Variants in CAMK1D observed in about 807,000 individuals in gnomAD.
CAMK1D encodes calcium/calmodulin dependent protein kinase ID, also known as calcium/calmodulin-dependent protein kinase type 1D.
Under a neutral mutation model 47.7 loss-of-function variants are expected in CAMK1D, and 9 were observed. The ratio of observed to expected loss-of-function variants is 0.19; its 90% CI spans 0.11 to 0.33. The LOEUF (loss-of-function observed/expected upper bound fraction) is 0.33. CAMK1D is among the 10% of genes least tolerant of loss of function. The pLI, the probability that CAMK1D is intolerant of heterozygous loss-of-function variation, is 1.00. For synonymous variants in CAMK1D, 184 were observed against 184.9 expected (o/e 0.99, Z 0.04); for missense variants, 291 against 488.7 (o/e 0.60, Z 3.81).
rs1834145367 is a variant in CAMK1D at position 12,716,577 on chromosome 10, T to C, written c.300-44371T>C. On this transcript the variant is annotated intron_variant, in intron 3 of 10. Coordinates refer to ENST00000619168, the MANE Select transcript of CAMK1D (RefSeq NM_153498.4). ...TAAGTATGTGCCGTGTCATGAGAAC[T>C]TCTCACACCTAGTGTTTTGCACACC... Among the ~76,000 whole-genome samples, 3 of 152,154 alleles carry C rather than the reference T, an allele frequency of 2.0e-5. No homozygotes were observed. In the South Asian group the frequency reaches 6.2e-4, roughly 32 times the overall value.
At chr10:12,634,249 T>A (rs1054973714) in intron 2 of CAMK1D, among the ~76,000 whole-genome samples, 1 of 152,192 alleles carries the variant, frequency 6.6e-6, no homozygotes, top group Non-Finnish European at 1.5e-5. Flanking sequence ...CTGCCTTTAT[T>A]CTGTTTCACG....
At chr10:12,470,579 C>T (rs112553833) in intron 1 of CAMK1D, among the ~76,000 whole-genome samples, 2 of 151,628 alleles carry the variant, frequency 1.3e-5, no homozygotes, top group Admixed American at 6.6e-5. Context: ...TGCGGTGGCG[C>T]GATCTCTTCT....
intron 1 of CAMK1D, among the ~76,000 whole-genome samples, chr10:12,418,416 G>A (rs1839929848): frequency 6.6e-6 from 1 of 152,130 alleles, no homozygotes; most frequent in South Asian, 2.1e-4. Flanking sequence ...AGCAGTCTGG[G>A]CAACATAGCC....
At chr10:12,798,120 CCGT>C (rs769359375) in intron 6 of CAMK1D, among the ~76,000 whole-genome samples, 1 of 152,208 alleles carries the variant, frequency 6.6e-6, no homozygotes, top group Non-Finnish European at 1.5e-5. Context: ...TGGCTCACAG[CCGT>C]CACTTTTGTG....
At chr10:12,515,402 C>G (rs960227477) in intron 1 of CAMK1D, among the ~76,000 whole-genome samples, 1 of 102,028 alleles carries the variant, frequency 9.8e-6, no homozygotes, top group Non-Finnish European at 2.0e-5. Context: ...TTTTCCTTTT[C>G]TTTTTTTTTT....
chr10:12,602,856 A>G (rs932863646), intron 2 of CAMK1D, among the ~76,000 whole-genome samples: 9 of 142,332 alleles, frequency 6.3e-5, no homozygotes, highest in Admixed American at 3.7e-4. Context: ...CTGGACCCAC[A>G]GTGACTCCCA....
At chr10:12,550,554 G>A (rs193107689) in intron 1 of CAMK1D, among the ~76,000 whole-genome samples, 46 of 152,338 alleles carry the variant, frequency 3.0e-4, no homozygotes, top group African/African-American at 1.1e-3. Flanking sequence ...AAAGCCGTTG[G>A]CCATGGCCGG....
intron 2 of CAMK1D, among the ~76,000 whole-genome samples, chr10:12,604,903 T>G (rs60081417): frequency 0.015 from 2,345 of 151,908 alleles, 52 homozygotes; most frequent in African/African-American, 0.054. Flanking sequence ...CTTTTTTTTT[T>G]TTGAGATGGA....
At chr10:12,581,983 T>C (rs1176307904) in intron 2 of CAMK1D, among the ~76,000 whole-genome samples, 1 of 152,118 alleles carries the variant, frequency 6.6e-6, no homozygotes, top group East Asian at 1.9e-4. Flanking sequence ...TCTAGAGGGG[T>C]TTTTTTGATG....
chr10:12,704,882 G>A (rs527456006), intron 3 of CAMK1D, among the ~76,000 whole-genome samples: 7 of 152,254 alleles, frequency 4.6e-5, no homozygotes, highest in Admixed American at 1.3e-4. Context: ...CCCTTGCAGC[G>A]GTGGTATTGG....
chr10:12,602,846 C>T (rs1439775417), intron 2 of CAMK1D, among the ~76,000 whole-genome samples: 1 of 151,106 alleles, frequency 6.6e-6, no homozygotes, highest in Non-Finnish European at 1.5e-5. Flanking sequence ...GGTGGTGGAT[C>T]TGGACCCACA....
At chr10:12,772,744 G>A (rs1837100085) in intron 5 of CAMK1D, among the ~76,000 whole-genome samples, 2 of 152,192 alleles carry the variant, frequency 1.3e-5, no homozygotes, top group South Asian at 2.1e-4. Flanking sequence ...AGGTTGTCCT[G>A]GAGGAGGCTG....
intron 6 of CAMK1D, among the ~76,000 whole-genome samples, chr10:12,803,852 G>A (rs1162248437): frequency 1.3e-5 from 2 of 152,152 alleles, no homozygotes; most frequent in Non-Finnish European, 2.9e-5. Context: ...ATCTTTGACT[G>A]TGTGAATCCC....
intron 6 of CAMK1D, among the ~76,000 whole-genome samples, chr10:12,806,008 C>T (rs1299022345): frequency 1.3e-5 from 2 of 152,104 alleles, no homozygotes; most frequent in South Asian, 2.1e-4. Flanking sequence ...CTGCCCTGGC[C>T]GGGTGGGATC....
intron 2 of CAMK1D, among the ~76,000 whole-genome samples, chr10:12,613,346 A>T (rs924037672): frequency 6.6e-6 from 1 of 152,214 alleles, no homozygotes; most frequent in African/African-American, 2.4e-5. Context: ...CTGTGGCATT[A>T]CACGAGACTG....
intron 1 of CAMK1D, among the ~76,000 whole-genome samples, chr10:12,387,380 A>AT (rs1564306823): frequency 3.5e-4 from 11 of 31,838 alleles, no homozygotes; most frequent in Non-Finnish European, 1.0e-3. Flanking sequence ...TATATTATAT[A>AT]TTATATATAT....
chr10:12,624,172 G>A (rs1232404464), intron 2 of CAMK1D, among the ~76,000 whole-genome samples: 1 of 152,078 alleles, frequency 6.6e-6, no homozygotes, highest in African/African-American at 2.4e-5. Flanking sequence ...TTAGCATTTT[G>A]ATCTGTATCA....
chr10:12,824,808 T>C (rs1406139689), intron 9 of CAMK1D, among the ~76,000 whole-genome samples: 3 of 152,230 alleles, frequency 2.0e-5, no homozygotes, highest in African/African-American at 4.8e-5. Flanking sequence ...ACATCACCCT[T>C]GTCTTTCTTC....
intron 1 of CAMK1D, among the ~76,000 whole-genome samples, chr10:12,373,935 C>G (rs1277952936): frequency 9.3e-6 from 1 of 107,774 alleles, no homozygotes; most frequent in Non-Finnish European, 1.8e-5. Flanking sequence ...ATTAGCTGGG[C>G]AAGACAGCGA....
Sources: gnomAD v4.1 joint callset for allele counts (sites outside exome capture counted in the v4.1 genomes callset) on GRCh38, gnomAD v4.1.1 for gene constraint, MANE v1.5 for transcripts, NCBI Gene and HGNC (gene_info 2026-07-23, HGNC 2026-07-21) for gene names.